BICC1: variants seen among roughly 807,000 people sequenced by gnomAD.
BICC1 encodes BicC family RNA binding protein 1.
In BICC1, 43 loss-of-function variants were observed where a neutral mutation model predicts 111.0. The observed-to-expected ratio is 0.39, with a 90% CI of 0.30 to 0.50. The LOEUF is 0.50. BICC1 is among the 20% of genes least tolerant of loss of function. BICC1 has a pLI of 0.88. For synonymous variants in BICC1, 467 were observed against 434.4 expected (o/e 1.07, Z -0.93); for missense variants, 1,091 against 1,203.2 (o/e 0.91, Z 1.38).
At chr10:58,787,806 C>T (rs970171547) in intron 5 of BICC1, among the ~76,000 whole-genome samples, 4 of 152,082 alleles carry the variant, frequency 2.6e-5, no homozygotes, top group African/African-American at 7.2e-5. Context: ...AAAACTGGTA[C>T]GGCATGACCA....
At chr10:58,701,468 T>C (rs1219779044) in intron 2 of BICC1, among the ~76,000 whole-genome samples, 1 of 152,158 alleles carries the variant, frequency 6.6e-6, no homozygotes, top group Admixed American at 6.5e-5. Flanking sequence ...CTAGACAGTG[T>C]TAGCTGCATG....
At chr10:58,568,526 C>G (rs543441942) in intron 1 of BICC1, among the ~76,000 whole-genome samples, 5 of 152,176 alleles carry the variant, frequency 3.3e-5, no homozygotes, top group African/African-American at 9.6e-5. Flanking sequence ...ACTGAGAACT[C>G]CTTCTGGCAA....
chr10:58,767,736 A>G (rs1009669711), intron 3 of BICC1, among the ~76,000 whole-genome samples: 1 of 152,174 alleles, frequency 6.6e-6, no homozygotes, highest in African/African-American at 2.4e-5. Flanking sequence ...AAAACAATAT[A>G]TGAACAAAAC....
rs748509234 is a variant in BICC1 at position 58,820,359 on chromosome 10, C to T, written c.2695-10C>T. The T allele has an allele frequency of 6.3e-7, 1 of 1,589,828 alleles. No individual in the cohort carries two copies. Reference sequence around the variant, plus strand: ...ATACATTGGTTATAGATTGACCTTTCTACCCACAGATCGATCTTCAGACAT... The same window carrying T: ...ATACATTGGTTATAGATTGACCTTTTTACCCACAGATCGATCTTCAGACAT... On this transcript the variant is annotated splice_polypyrimidine_tract_variant and intron_variant, in intron 19 of 20. Coordinates refer to ENST00000373886, the MANE Select transcript of BICC1 (RefSeq NM_001080512.3).
chr10:58,801,805 A>T (rs370225069), intron 14 of BICC1, among the ~76,000 whole-genome samples: 121 of 152,252 alleles, frequency 7.9e-4, no homozygotes, highest in African/African-American at 2.7e-3. Flanking sequence ...GTCAATCATT[A>T]TTACCCACCG....
At chr10:58,791,689 G>A (rs188764640) in intron 8 of BICC1, among the ~76,000 whole-genome samples, 10 of 152,132 alleles carry the variant, frequency 6.6e-5, no homozygotes, top group East Asian at 5.8e-4. Context: ...GCGGTGAGCC[G>A]AGATCGCGCC....
At chr10:58,551,520 C>T (rs1465478057) in intron 1 of BICC1, among the ~76,000 whole-genome samples, 1 of 152,106 alleles carries the variant, frequency 6.6e-6, no homozygotes, top group African/African-American at 2.4e-5. Context: ...CTGTTTTCTT[C>T]TCAGTAGTTT....
At chr10:58,788,286 T>C (rs1156677176) in intron 5 of BICC1, 84 bp from the exon 6 acceptor site, 1 of 1,020,350 alleles carries the variant, frequency 9.8e-7, no homozygotes, top group Non-Finnish European at 1.5e-6. Flanking sequence ...ATGACACTTT[T>C]AGTAGCAAGC....
At chr10:58,797,833 A>C (rs186456167) in intron 10 of BICC1, among the ~76,000 whole-genome samples, 31 of 152,268 alleles carry the variant, frequency 2.0e-4, no homozygotes, top group African/African-American at 6.5e-4. Context: ...CCAAAAAAAA[A>C]CAGTATTTTT....
At position 58,542,990 on chromosome 10, in the gene BICC1, C is replaced by T. The variant is rs539871146; in HGVS notation, c.190+29657C>T. ...CTCAAAAAATTAAAACCAAAATTAC[C>T]GTATAATTCAGCAATCTCACTTCTG... On this transcript the variant is annotated intron_variant, in intron 1 of 20. Transcript: ENST00000373886. 3.9e-5 allele frequency among the ~76,000 whole-genome samples: 6 copies of T among 152,124 alleles called. No homozygotes were observed. The South Asian group carries it at 6.2e-4, about 16-fold the overall frequency.
At chr10:58,637,600 T>C (rs1166047610) in intron 2 of BICC1, among the ~76,000 whole-genome samples, 1 of 152,244 alleles carries the variant, frequency 6.6e-6, no homozygotes, top group African/African-American at 2.4e-5. Flanking sequence ...TGCTATAAGA[T>C]GATGAAAGTC....
intron 18 of BICC1, among the ~76,000 whole-genome samples, chr10:58,817,279 CAG>C (rs1844123344): frequency 6.6e-6 from 1 of 152,108 alleles, no homozygotes; most frequent in African/African-American, 2.4e-5. Flanking sequence ...TCTGACTACT[CAG>C]GGAGAATATG....
chr10:58,637,846 T>C (rs1837997199), intron 2 of BICC1, among the ~76,000 whole-genome samples: 1 of 152,082 alleles, frequency 6.6e-6, no homozygotes, highest in African/African-American at 2.4e-5. Context: ...GGGACAGGCA[T>C]GGTGGACCAG....
In BICC1 at chr10:58,828,705, G is replaced by A. The variant is rs16912648; in HGVS notation, c.2795-56G>A. ...TTTCTGAGCTCTAGTGCCATGTCCT[G>A]TAGTATACATAGAACTTCTCTTGAG... On this transcript the variant is annotated intron_variant, in intron 20 of 20. Coordinates refer to ENST00000373886, the MANE Select transcript of BICC1 (RefSeq NM_001080512.3). 0.019 allele frequency: 30,416 copies of A among 1,575,800 alleles called. 1,426 individuals are homozygous for A. The highest frequency in any genetic ancestry group is 0.17 in the African/African-American group (12,848 of 74,208).
intron 1 of BICC1, among the ~76,000 whole-genome samples, chr10:58,527,655 C>A (rs909339256): frequency 1.3e-5 from 2 of 152,068 alleles, no homozygotes; most frequent in African/African-American, 4.8e-5. Flanking sequence ...AGCCAGTTTT[C>A]CCAGCACCAT....
At chr10:58,804,116 C>A (rs1373256700) in intron 15 of BICC1, among the ~76,000 whole-genome samples, 1 of 152,100 alleles carries the variant, frequency 6.6e-6, no homozygotes, top group African/African-American at 2.4e-5. Flanking sequence ...GTTTAGTCCT[C>A]CTTCTCTATT....
At chr10:58,671,092 G>A (rs892712534) in intron 2 of BICC1, among the ~76,000 whole-genome samples, 2 of 152,054 alleles carry the variant, frequency 1.3e-5, no homozygotes, top group Non-Finnish European at 1.5e-5. Context: ...CATGTAAGGC[G>A]GTTTCCCTCT....
chr10:58,770,748 T>C (rs939573217), intron 3 of BICC1, among the ~76,000 whole-genome samples: 1 of 152,062 alleles, frequency 6.6e-6, no homozygotes, highest in African/African-American at 2.4e-5. Flanking sequence ...GGCTCTGAGA[T>C]TTTGGTTGTT....
chr10:58,631,572 CT>C (rs995197219), intron 2 of BICC1, among the ~76,000 whole-genome samples: 3 of 151,976 alleles, frequency 2.0e-5, no homozygotes, highest in African/African-American at 7.2e-5. Flanking sequence ...ACTTTTGTTA[CT>C]TTTGTCACCC....
Sources: allele counts gnomAD v4.1 joint callset (sites outside exome capture counted in the v4.1 genomes callset), GRCh38; gene constraint gnomAD v4.1.1; transcripts MANE v1.5; gene names NCBI Gene and HGNC (gene_info 2026-07-23, HGNC 2026-07-21).